Variants in OSBPL1A observed in about 807,000 individuals in gnomAD.
OSBPL1A encodes the protein oxysterol-binding protein-related protein 1.
OSBPL1A carries 80 observed loss-of-function variants against 137.1 expected under a neutral mutation model. The ratio of observed to expected loss-of-function variants is 0.58; its 90% CI spans 0.49 to 0.70. The LOEUF is 0.70. OSBPL1A is among the 30% of genes least tolerant of loss of function. OSBPL1A has a pLI of 0.00. For missense variants in OSBPL1A, 970 were observed against 1,129.4 expected (o/e 0.86, Z 2.02); for synonymous variants, 365 against 389.7 (o/e 0.94, Z 0.75).
chr18:24,204,490 T>C (rs1009713812), intron 17 of OSBPL1A, among the ~76,000 whole-genome samples: 1 of 151,834 alleles, frequency 6.6e-6, no homozygotes, highest in Non-Finnish European at 1.5e-5. Flanking sequence ...AACAAGTATG[T>C]CTCCTTTTTA....
chr18:24,194,437 TA>T (rs1287878255), intron 18 of OSBPL1A, among the ~76,000 whole-genome samples: 1 of 152,214 alleles, frequency 6.6e-6, no homozygotes, highest in Non-Finnish European at 1.5e-5. Context: ...TACTGGATCA[TA>T]AAGGTAAACA....
chr18:24,312,038 A>C lies in OSBPL1A; in HGVS notation c.1038T>G (p.Thr346=). 1 of 1,614,070 alleles carries C rather than the reference A, an allele frequency of 6.2e-7. No homozygotes were observed. The highest frequency in any genetic ancestry group is 2.2e-5 in the East Asian group (1 of 44,868). The change falls in exon 13 of 28, where the codon ACT becomes ACG. Residue 346 remains threonine, a synonymous_variant. Transcript: ENST00000319481. ...STHYCSQDQL[T]DEEEEDTVSA... ...AAACCGTATCTTCCTCCTCCTCATCAGTCAGCTGGTCCTGGGAACAGTAGT... is the reference window on the plus strand; with the variant it reads ...AAACCGTATCTTCCTCCTCCTCATCCGTCAGCTGGTCCTGGGAACAGTAGT...
At position 24,172,402 on chromosome 18, in the gene OSBPL1A, A is replaced by G. The variant is rs2077984; in HGVS notation, c.2175T>C (p.Tyr725=). Residue 725 remains tyrosine (Y), a synonymous_variant, in exon 22 of 28, where the codon TAT becomes TAC. Coordinates refer to ENST00000319481, the MANE Select transcript of OSBPL1A (RefSeq NM_080597.4). The stretch of plus-strand genomic sequence containing the variant: ...TGTGGTTTATAATTTCCACATTGCC[A>G]TACTGTTCGATCCACAGTTTACCCA... The part of the protein sequence containing the change: ...IIVGKLWIEQ[Y]GNVEIINHKT... 55,154 of 1,613,662 alleles carry G rather than the reference A, an allele frequency of 0.034. 3,467 individuals carry two copies. The highest frequency in any genetic ancestry group is 0.27 in the African/African-American group (20,564 of 74,922).
At chr18:24,338,709 G>T (rs565690021) in intron 5 of OSBPL1A, among the ~76,000 whole-genome samples, 2 of 152,084 alleles carry the variant, frequency 1.3e-5, no homozygotes, top group South Asian at 4.1e-4. Context: ...CTATGACATG[G>T]TTTCTTTTCT....
chr18:24,192,668 T>C (rs1370093105), intron 18 of OSBPL1A, among the ~76,000 whole-genome samples: 1 of 152,006 alleles, frequency 6.6e-6, no homozygotes, highest in Non-Finnish European at 1.5e-5. Flanking sequence ...TGGGGCAGAG[T>C]GAGCCCGGCT....
At chr18:24,334,094 G>A in intron 6 of OSBPL1A, 151 bp downstream of exon 6, 1 of 525,280 alleles carries the variant, frequency 1.9e-6, no homozygotes, top group Non-Finnish European at 3.3e-6. Context: ...AGTGTTTTTA[G>A]ATATTAAGAA....
intron 15 of OSBPL1A, among the ~76,000 whole-genome samples, chr18:24,270,880 C>T (rs1280633358): frequency 6.6e-6 from 1 of 152,100 alleles, no homozygotes; most frequent in Admixed American, 6.5e-5. Flanking sequence ...CTTTTAATAG[C>T]CTTAATAACT....
chr18:24,375,973 G>T (rs1158408833), intron 2 of OSBPL1A, among the ~76,000 whole-genome samples: 1 of 152,144 alleles, frequency 6.6e-6, no homozygotes, highest in East Asian at 1.9e-4. Flanking sequence ...TGGGCTCGTG[G>T]TCTCCCTGGC....
intron 11 of OSBPL1A, among the ~76,000 whole-genome samples, chr18:24,315,567 GATTATTATATATTATAATCATATTAAT>G (rs2090704263): frequency 7.7e-6 from 1 of 130,196 alleles, no homozygotes; most frequent in Non-Finnish European, 1.6e-5. Flanking sequence ...ATAATATTAT[GATTATTATATATTATAATCATATTAAT>G]ATTATTATAT....
chr18:24,314,399 C>T (rs1052450357), intron 11 of OSBPL1A, 52 bp from the exon 12 acceptor site: 2 of 1,240,646 alleles, frequency 1.6e-6, no homozygotes, highest in Non-Finnish European at 2.3e-6. Context: ...AAAAGAGGAC[C>T]CTAAAATTAT....
chr18:24,306,542 A>C (rs2090504454), intron 13 of OSBPL1A, among the ~76,000 whole-genome samples: 1 of 152,160 alleles, frequency 6.6e-6, no homozygotes. Context: ...AAGAGCACAT[A>C]CTGTATGATT....
rs965860047 is a variant in OSBPL1A, at chr18:24,171,302, G to C, written c.2291+107C>G. ...CCACCTCAGCCTCCCAAAGTGCTGG[G>C]ATTATAGGTGTGAGCCACTGTGCCC... is the stretch of plus-strand genomic sequence containing the variant. On this transcript the variant is annotated intron_variant, in intron 23 of 27. Transcript: ENST00000319481. 4 of 820,210 alleles carry C rather than the reference G, an allele frequency of 4.9e-6. No individual in the cohort carries two copies. The South Asian group carries it at 6.8e-5, about 14-fold the overall frequency. The allele number at this position is 820,210 out of a possible 1,614,324, so 50.8% of individuals were successfully genotyped here. A position where few individuals can be genotyped will look rare whatever the true frequency, so the allele number is the denominator to read the frequency against.
rs1292001089 is a variant in OSBPL1A at position 24,328,216 on chromosome 18, G to GTTTTTTTT, written c.625+4725_625+4726insAAAAAAAA. ...TGCCACCACGCCCGGCTAATTTTTT[G>GTTTTTTTT]TATTTTTTTTTTTTTTTTTTTTTTT... is the stretch of plus-strand genomic sequence containing the variant. On this transcript the variant is annotated intron_variant, in intron 7 of 27. Coordinates refer to ENST00000319481, the MANE Select transcript of OSBPL1A (RefSeq NM_080597.4). Among the ~76,000 whole-genome samples, 18 of 47,586 alleles carry GTTTTTTTT rather than the reference G, an allele frequency of 3.8e-4. 2 individuals carry two copies. In the East Asian group the frequency reaches 6.2e-3, roughly 16 times the overall value. The allele number at this position is 47,586 out of a possible 152,430, so 31.2% of individuals were successfully genotyped here. A position where few individuals can be genotyped will look rare whatever the true frequency, so the allele number is the denominator to read the frequency against.
At chr18:24,384,630 G>A (rs1008915660) in intron 1 of OSBPL1A, among the ~76,000 whole-genome samples, 1 of 151,990 alleles carries the variant, frequency 6.6e-6, no homozygotes, top group African/African-American at 2.4e-5. Context: ...AGCACTTTGC[G>A]AGGCCAAGAT....
intron 2 of OSBPL1A, among the ~76,000 whole-genome samples, chr18:24,369,334 A>G (rs1599724161): frequency 6.6e-6 from 1 of 152,222 alleles, no homozygotes; most frequent in East Asian, 1.9e-4. Flanking sequence ...CACAGATTCA[A>G]TTTAGCAAAA....
chr18:24,326,354 C>A (rs1312993713), intron 7 of OSBPL1A, among the ~76,000 whole-genome samples: 1 of 152,210 alleles, frequency 6.6e-6, no homozygotes, highest in African/African-American at 2.4e-5. Context: ...CCCTCTCTGT[C>A]CCTATCCACA....
chr18:24,223,964 T>A (rs868199369), intron 17 of OSBPL1A, among the ~76,000 whole-genome samples: 1 of 152,176 alleles, frequency 6.6e-6, no homozygotes, highest in Non-Finnish European at 1.5e-5. Flanking sequence ...TAGAATTTTG[T>A]ACTGCACTCC....
intron 15 of OSBPL1A, among the ~76,000 whole-genome samples, chr18:24,275,740 T>TC (rs1316053070): frequency 6.6e-6 from 1 of 151,866 alleles, no homozygotes. Flanking sequence ...TTTTTTTTTT[T>TC]TTTCTTGAGA....
intron 7 of OSBPL1A, among the ~76,000 whole-genome samples, chr18:24,327,104 CT>C (rs1426742438): frequency 7.7e-6 from 1 of 130,358 alleles, no homozygotes; most frequent in African/African-American, 2.8e-5. Flanking sequence ...TGGTTTTTTT[CT>C]TTTTTCTTTT....
Sources: gnomAD v4.1 joint callset for allele counts (sites outside exome capture counted in the v4.1 genomes callset) on GRCh38, gnomAD v4.1.1 for gene constraint, MANE v1.5 for transcripts, NCBI Gene and HGNC (gene_info 2026-07-23, HGNC 2026-07-21) for gene names.